RFC2: variants seen among roughly 807,000 people sequenced by gnomAD.
RFC2 encodes replication factor C subunit 2, also known as A1 40 kDa subunit.
RFC2 carries 34 observed loss-of-function variants against 44.8 expected under a neutral mutation model. That is an observed-to-expected ratio of 0.76 (90% CI 0.58 to 1.01). The LOEUF is 1.01. RFC2 is among the 50% of genes least tolerant of loss of function. RFC2 has a pLI of 0.00. For synonymous variants in RFC2, 177 were observed against 168.9 expected (o/e 1.05, Z -0.37); for missense variants, 400 against 453.6 (o/e 0.88, Z 1.07).
At chr7:74,239,786 C>T (rs543193774) in intron 7 of RFC2, 152 bp downstream of exon 7, 33 of 663,490 alleles carry the variant, frequency 5.0e-5, no homozygotes, top group African/African-American at 1.7e-4. Flanking sequence ...TCTTGGAGTC[C>T]GAGCTAGACA....
At position 74,238,013 on chromosome 7, in the gene RFC2, A is replaced by G. The variant is rs1803118741; in HGVS notation, c.760-571T>C. Among the ~76,000 whole-genome samples the G allele has an allele frequency of 6.6e-6, 1 of 151,712 alleles. No individual in the cohort carries two copies. Among genetic ancestry groups the G allele is most frequent in the Non-Finnish European group, 1.5e-5 (1 of 67,966 alleles). ...TGTCGACCCCTACATCTTCCCAATG[A>G]AAGCCTCCTGATGGCTCCAGAGGTC... On this transcript the variant is annotated intron_variant, in intron 8 of 10. Transcript: ENST00000055077. This position sits in a 1 kb window ranked among gnomAD's most constrained non-coding sequence, Gnocchi z 4.0.
intron 7 of RFC2, 145 bp from the exon 8 acceptor site, chr7:74,239,133 A>T: frequency 1.9e-4 from 92 of 476,544 alleles, no homozygotes; most frequent in Middle Eastern, 4.9e-4. Context: ...AAGTGCTGGG[A>T]TTACAGGCAT....
chr7:74,253,214 T>A (rs1257976073), intron 1 of RFC2, among the ~76,000 whole-genome samples: 1 of 149,940 alleles, frequency 6.7e-6, no homozygotes, highest in African/African-American at 2.5e-5. Context: ...TACCTGCCAG[T>A]TTCTTTTCTT....
chr7:74,233,772 C>T, intron 10 of RFC2: 1 of 455,968 alleles, frequency 2.2e-6, no homozygotes. Flanking sequence ...GGTCATTACA[C>T]ACCTATTAGA....
intron 6 of RFC2, among the ~76,000 whole-genome samples, chr7:74,242,546 A>T (rs1554719399): frequency 1.3e-5 from 2 of 152,116 alleles, no homozygotes; most frequent in African/African-American, 4.8e-5. Context: ...TTAAAAAAAT[A>T]TAAATTTAAA....
chr7:74,240,077 C>T lies in RFC2; in HGVS notation c.554G>A (p.Cys185Tyr), dbSNP rs1257980187. 1.9e-6 allele frequency: 3 copies of T among 1,613,882 alleles called. No homozygotes were observed. Among genetic ancestry groups the T allele is most frequent in the Non-Finnish European group, 1.7e-6 (2 of 1,179,936 alleles). The change falls in exon 7 of 11, where the codon TGT (cysteine) becomes TAT (tyrosine). Residue 185 changes from cysteine to tyrosine, a missense_variant. Cys to Tyr is a radical substitution (Grantham distance 194). Coordinates refer to ENST00000055077, the MANE Select transcript of RFC2 (RefSeq NM_181471.3). Reference protein sequence around the residue: ...DKIIEPIQSRCAVLRYTKLTD... With the variant: ...DKIIEPIQSRYAVLRYTKLTD... ...CAGCTTTGTGTACCGGAGGACTGCA[C>T]AGCGGGACTGAATGGGCTCTGAACA...
chr7:74,251,992 C>T lies in RFC2; in HGVS notation c.183+437G>A, dbSNP rs192702951. On this transcript the variant is annotated intron_variant, in intron 2 of 10. Coordinates refer to ENST00000055077, the MANE Select transcript of RFC2 (RefSeq NM_181471.3). ...CGGGCGCCTGTAGTCCCAGTTACTC[C>T]GGAGGCTGAGGCAGGAGAATGGCGT... is the stretch of plus-strand genomic sequence containing the variant. Among the ~76,000 whole-genome samples, 6 of 138,798 alleles carry T rather than the reference C, an allele frequency of 4.3e-5. No individual in the cohort carries two copies. In the South Asian group the frequency reaches 7.4e-4, roughly 17 times the overall value. 91.1% of individuals were successfully genotyped at this position (138,798 alleles called of 152,430 possible). A position where few individuals can be genotyped will look rare whatever the true frequency, so the allele number is the denominator to read the frequency against.
chr7:74,244,119 T>C (rs1237180615), intron 5 of RFC2, among the ~76,000 whole-genome samples: 1 of 129,470 alleles, frequency 7.7e-6, no homozygotes, highest in Non-Finnish European at 1.6e-5. Flanking sequence ...AAAAAAAAAA[T>C]TGTCTGGGCG....
chr7:74,247,109 C>T (rs1379112705), intron 4 of RFC2, among the ~76,000 whole-genome samples: 1 of 142,178 alleles, frequency 7.0e-6, no homozygotes, highest in East Asian at 2.1e-4. Flanking sequence ...CCCAGCCTGG[C>T]GATAATTCGT....
chr7:74,247,645 A>G (rs1207397249), intron 4 of RFC2, among the ~76,000 whole-genome samples: 1 of 152,208 alleles, frequency 6.6e-6, no homozygotes, highest in African/African-American at 2.4e-5. Flanking sequence ...GTCTCAAAAA[A>G]AAAGAAAGAA....
At chr7:74,241,658 G>A (rs1554719285) in intron 6 of RFC2, among the ~76,000 whole-genome samples, 2 of 152,180 alleles carry the variant, frequency 1.3e-5, no homozygotes, top group Non-Finnish European at 2.9e-5. Context: ...CAGGCAGCCT[G>A]TGTCAGAAAG....
rs1554721289 is a variant in RFC2 at position 74,252,426 on chromosome 7, C to T, written c.183+3G>A. 6.5e-7 allele frequency: 1 copy of T among 1,549,770 alleles called. No individual in the cohort carries two copies. ...TGTCTCAAAAAAAAAAAAAGCCACT[C>T]ACCTCTAGCCTGCTCACGGTGTCTT... On this transcript the variant is annotated splice_donor_region_variant and intron_variant, in intron 2 of 10. Transcript: ENST00000055077.
Position 74,240,138 on chromosome 7 carries a change from C to T in RFC2, c.536-43G>A, listed in dbSNP as rs782073887. 48 of 1,571,318 alleles carry T rather than the reference C, an allele frequency of 3.1e-5. No homozygotes were observed. In the South Asian group the frequency reaches 3.3e-4, roughly 11 times the overall value. On this transcript the variant is annotated intron_variant, in intron 6 of 10. Coordinates refer to ENST00000055077, the MANE Select transcript of RFC2 (RefSeq NM_181471.3). ...AGTAGTGAGGCTTCCCTGCAGAGGC[C>T]GGCATCATCCTGCTAGCTCTTTGGT...
At chr7:74,253,483 G>C (rs1053743043) in intron 1 of RFC2, 2 of 152,180 alleles carry the variant, frequency 1.3e-5, no homozygotes, top group Non-Finnish European at 2.9e-5. Context: ...CCAGCACTTT[G>C]GGAAGGCGAG....
rs1482120120 is a variant in RFC2 at position 74,233,672 on chromosome 7, C to T, written c.955-1456G>A. On this transcript the variant is annotated intron_variant, in intron 10 of 10. Transcript: ENST00000055077. ...CTGTAGTGCAGGGGTGTGATCTCAG[C>T]TCACTGCAACCTCCACCTCCTGGGT... is the stretch of plus-strand genomic sequence containing the variant. The T allele has an allele frequency of 2.4e-5, 9 of 375,154 alleles. No individual in the cohort carries two copies. The East Asian group carries it at 6.8e-4, about 29-fold the overall frequency. 23.2% of individuals were successfully genotyped at this position (375,154 alleles called of 1,614,324 possible).
rs1284311097 is a variant in RFC2, at chr7:74,238,688, C to T, written c.759+235G>A. On this transcript the variant is annotated intron_variant, in intron 8 of 10. Coordinates refer to ENST00000055077, the MANE Select transcript of RFC2 (RefSeq NM_181471.3). The surrounding 1 kb of genome is among the most constrained non-coding windows in gnomAD (Gnocchi z 4.0). Reference sequence around the variant, plus strand: ...TGCTCGACCCTGGGTCTGATGCATCCGTGGTCCTCCCTCACCTACCACACA... The same window carrying T: ...TGCTCGACCCTGGGTCTGATGCATCTGTGGTCCTCCCTCACCTACCACACA... Among the ~76,000 whole-genome samples the T allele has an allele frequency of 1.3e-5, 2 of 152,150 alleles. No homozygotes were observed. The highest frequency in any genetic ancestry group is 2.4e-5 in the African/African-American group (1 of 41,442).
intron 2 of RFC2, 80 bp from the exon 3 acceptor site, chr7:74,249,860 C>T: frequency 7.7e-7 from 1 of 1,296,232 alleles, no homozygotes; most frequent in South Asian, 1.2e-5. Flanking sequence ...AAAGAACAAA[C>T]AAGCAGGTTA....
At chr7:74,246,504 T>G (rs1200260589) in intron 5 of RFC2, among the ~76,000 whole-genome samples, 158 bp downstream of exon 5, 1 of 152,178 alleles carries the variant, frequency 6.6e-6, no homozygotes, top group East Asian at 1.9e-4. Context: ...TGTAAGTTAC[T>G]TAATAAAGAT....
chr7:74,241,947 G>A (rs925440466), intron 6 of RFC2, among the ~76,000 whole-genome samples: 2 of 152,098 alleles, frequency 1.3e-5, no homozygotes, highest in Admixed American at 6.6e-5. Context: ...GCGACAGAGC[G>A]AGACTCTCTC....
Sources: gnomAD v4.1 joint callset for allele counts (sites outside exome capture counted in the v4.1 genomes callset) on GRCh38, gnomAD v4.1.1 for gene constraint, Gnocchi (gnomAD v3.1) non-coding constraint, MANE v1.5 for transcripts, NCBI Gene and HGNC (gene_info 2026-07-23, HGNC 2026-07-21) for gene names.